SEMA5A: variants seen among roughly 807,000 people sequenced by gnomAD.
SEMA5A encodes the protein semaphorin-5A.
A neutral mutation model predicts 135.5 loss-of-function variants in SEMA5A; 55 were observed. The ratio of observed to expected loss-of-function variants is 0.41; its 90% confidence interval spans 0.33 to 0.51. The LOEUF (loss-of-function observed/expected upper bound fraction) is 0.51, where lower values mean the gene tolerates loss of function less well. Among genes scored for constraint, SEMA5A ranks in the 20% least tolerant of loss-of-function variants. SEMA5A has a pLI of 0.37. For missense variants in SEMA5A, 1,290 were observed against 1,419.9 expected (o/e 0.91, Z 1.47); for synonymous variants, 580 against 546.5 (o/e 1.06, Z -0.85).
intron 6 of SEMA5A, among the ~76,000 whole-genome samples, chr5:9,236,167 G>C (rs1163086087): frequency 6.6e-6 from 1 of 152,132 alleles, no homozygotes; most frequent in Non-Finnish European, 1.5e-5. Flanking sequence ...TCAAGATGGA[G>C]TTTGGTGGGG....
In SEMA5A at chr5:9,135,676, G is replaced by A. The variant is rs558562116; in HGVS notation, c.1599+828C>T. Among the ~76,000 whole-genome samples, 12 of 152,238 alleles carry A rather than the reference G, an allele frequency of 7.9e-5. No homozygotes were observed. The South Asian group carries it at 2.5e-3, about 32-fold the overall frequency. On this transcript the variant is annotated intron_variant, in intron 13 of 22. Transcript: ENST00000382496. The stretch of plus-strand genomic sequence containing the variant: ...CTTGCAGAGATACAGCAGAACTGAT[G>A]GGCAGAGATCAGCAGTTTTGTAAAG...
intron 5 of SEMA5A, among the ~76,000 whole-genome samples, chr5:9,303,085 C>T (rs1173200463): frequency 1.3e-5 from 2 of 151,374 alleles, no homozygotes; most frequent in Non-Finnish European, 2.9e-5. Context: ...TAAATACACA[C>T]ACACACACAC....
intron 1 of SEMA5A, among the ~76,000 whole-genome samples, chr5:9,488,589 A>G (rs1734846634): frequency 6.6e-6 from 1 of 152,310 alleles, no homozygotes; most frequent in Admixed American, 6.5e-5. Context: ...TGATAGCTGC[A>G]TGGGTCATAT....
At chr5:9,223,251 G>A (rs1379786236) in intron 8 of SEMA5A, among the ~76,000 whole-genome samples, 2 of 152,192 alleles carry the variant, frequency 1.3e-5, no homozygotes, top group Non-Finnish European at 2.9e-5. Context: ...AGTTAATGAC[G>A]AGGACATCCT....
chr5:9,501,910 C>G (rs560222045), intron 1 of SEMA5A, among the ~76,000 whole-genome samples: 26 of 152,192 alleles, frequency 1.7e-4, no homozygotes, highest in African/African-American at 6.3e-4. Context: ...TTCCATTCAT[C>G]CACCCGTAGA....
intron 16 of SEMA5A, among the ~76,000 whole-genome samples, chr5:9,103,928 A>C (rs536691647): frequency 3.9e-5 from 6 of 152,214 alleles, no homozygotes; most frequent in Non-Finnish European, 8.8e-5. Context: ...GGTTGGCTGA[A>C]ATGATCACAA....
chr5:9,400,085 A>G (rs1756585473), intron 2 of SEMA5A, among the ~76,000 whole-genome samples: 2 of 152,132 alleles, frequency 1.3e-5, no homozygotes, highest in Non-Finnish European at 2.9e-5. Flanking sequence ...ACATGTTCTC[A>G]CTCATAAGTG....
intron 1 of SEMA5A, among the ~76,000 whole-genome samples, chr5:9,475,620 T>A (rs1028041390): frequency 2.6e-5 from 4 of 152,202 alleles, no homozygotes; most frequent in African/African-American, 9.7e-5. Context: ...ATTATCTATA[T>A]TATAACCTAA....
chr5:9,307,591 G>A (rs3777321), intron 5 of SEMA5A, among the ~76,000 whole-genome samples: 103,308 of 151,862 alleles, frequency 0.68, 38,177 homozygotes, highest in Non-Finnish European at 0.83. Flanking sequence ...ACTCAAACAA[G>A]AAATCATTAC....
At chr5:9,278,601 C>T (rs1750385668) in intron 5 of SEMA5A, among the ~76,000 whole-genome samples, 1 of 152,218 alleles carries the variant, frequency 6.6e-6, no homozygotes, top group South Asian at 2.1e-4. Flanking sequence ...TCATCACAGG[C>T]CTGCAGGTCT....
chr5:9,480,124 C>T (rs974268368), intron 1 of SEMA5A, among the ~76,000 whole-genome samples: 28 of 152,092 alleles, frequency 1.8e-4, no homozygotes, highest in Non-Finnish European at 3.7e-4. Context: ...TCTGCACATT[C>T]GACACGAATA....
chr5:9,362,098 G>C (rs990460605), intron 3 of SEMA5A, among the ~76,000 whole-genome samples: 2 of 152,090 alleles, frequency 1.3e-5, no homozygotes, highest in Non-Finnish European at 2.9e-5. Context: ...CTCGTCTTGG[G>C]GGGTGAATCT....
At chr5:9,288,031 C>G (rs1241646768) in intron 5 of SEMA5A, among the ~76,000 whole-genome samples, 1 of 151,856 alleles carries the variant, frequency 6.6e-6, no homozygotes, top group African/African-American at 2.4e-5. Flanking sequence ...GATAAGCAAG[C>G]AAATGTATAA....
At chr5:9,196,733 C>A (rs1210721087) in intron 10 of SEMA5A, among the ~76,000 whole-genome samples, 1 of 152,188 alleles carries the variant, frequency 6.6e-6, no homozygotes, top group Non-Finnish European at 1.5e-5. Flanking sequence ...CTGTCCTTCC[C>A]AACAGGGAAT....
At chr5:9,495,684 G>A (rs904192377) in intron 1 of SEMA5A, among the ~76,000 whole-genome samples, 4 of 152,132 alleles carry the variant, frequency 2.6e-5, no homozygotes, top group African/African-American at 4.8e-5. Flanking sequence ...GAAAACTGGC[G>A]GGGCCTCCGG....
chr5:9,235,262 T>C (rs2150444915), intron 6 of SEMA5A, among the ~76,000 whole-genome samples: 1 of 152,234 alleles, frequency 6.6e-6, no homozygotes, highest in Admixed American at 6.5e-5. Context: ...ATACATGTAA[T>C]CAAGATGAAA....
At chr5:9,419,754 G>A (rs1757401293) in intron 2 of SEMA5A, among the ~76,000 whole-genome samples, 1 of 152,168 alleles carries the variant, frequency 6.6e-6, no homozygotes, top group Non-Finnish European at 1.5e-5. Context: ...TCATCTGGGA[G>A]CATTCCATTT....
At chr5:9,265,602 C>T (rs1309704269) in intron 5 of SEMA5A, 14 of 453,718 alleles carry the variant, frequency 3.1e-5, no homozygotes, top group Middle Eastern at 3.9e-4. Flanking sequence ...CCTGGCGTCC[C>T]ATGTTCAGCT....
intron 1 of SEMA5A, among the ~76,000 whole-genome samples, chr5:9,508,719 G>C (rs1736045284): frequency 6.6e-6 from 1 of 152,112 alleles, no homozygotes; most frequent in Non-Finnish European, 1.5e-5. Flanking sequence ...CTGTGCTCCA[G>C]ATCCTTCTCT....
Sources: allele counts gnomAD v4.1 joint callset (sites outside exome capture counted in the v4.1 genomes callset), GRCh38; gene constraint gnomAD v4.1.1; transcripts MANE v1.5; gene names NCBI Gene and HGNC (gene_info 2026-07-23, HGNC 2026-07-21).